Variants in CAPZB observed in about 807,000 individuals in gnomAD.
CAPZB encodes the protein capping actin protein of muscle Z-line subunit beta.
CAPZB carries 2 observed loss-of-function variants against 38.1 expected under a neutral mutation model. The observed-to-expected ratio is 0.05, with a 90% CI of 0.02 to 0.17. The LOEUF is 0.17. Ranked by LOEUF, CAPZB falls within the 10% of genes least tolerant of loss-of-function variation. CAPZB has a pLI of 1.00. For synonymous variants in CAPZB, 107 were observed against 127.4 expected, an observed-to-expected ratio of 0.84 and a Z score of 1.08; for missense variants, 161 against 334.2, an observed-to-expected ratio of 0.48 and a Z score of 4.04.
intron 4 of CAPZB, among the ~76,000 whole-genome samples, chr1:19,367,116 G>T (rs115866612): frequency 2.0e-5 from 3 of 152,258 alleles, no homozygotes; most frequent in African/African-American, 7.2e-5. Flanking sequence ...ATGGATGGGC[G>T]TGGGTGCTGC....
intron 3 of CAPZB, 69 bp downstream of exon 3, chr1:19,385,436 T>C: frequency 6.3e-7 from 1 of 1,598,840 alleles, no homozygotes; most frequent in Non-Finnish European, 8.6e-7. Context: ...CCCCGTGCTC[T>C]GCAGCAGGTA....
intron 1 of CAPZB, among the ~76,000 whole-genome samples, chr1:19,432,782 A>T (rs573106424): frequency 1.2e-4 from 18 of 152,358 alleles, no homozygotes; most frequent in African/African-American, 4.3e-4. Flanking sequence ...ATGCCCAAAC[A>T]TTCTCCAAAG....
intron 1 of CAPZB, among the ~76,000 whole-genome samples, chr1:19,480,870 C>T (rs750272500): frequency 2.0e-5 from 3 of 152,308 alleles, no homozygotes; most frequent in Middle Eastern, 3.4e-3. Context: ...TGGAGAAAAA[C>T]GGTTTGCTCT....
intron 6 of CAPZB, among the ~76,000 whole-genome samples, chr1:19,353,860 G>A (rs1428925523): frequency 2.6e-5 from 4 of 152,362 alleles, no homozygotes; most frequent in Middle Eastern, 3.4e-3. Context: ...GAGCCTTGAC[G>A]CCGTGTGCGG....
At chr1:19,452,522 T>C (rs1326910590) in intron 1 of CAPZB, among the ~76,000 whole-genome samples, 3 of 152,206 alleles carry the variant, frequency 2.0e-5, no homozygotes, top group African/African-American at 4.8e-5. Flanking sequence ...TGAGCTATCC[T>C]GGTGCCAAGG....
chr1:19,385,573 A>G lies in CAPZB; in HGVS notation c.147T>C (p.Ile49=). ...LLSSVDQPLK[I]ARDKVVGKDY... is the part of the protein sequence containing the mutation. ...CCTTTCCCACCACCTTGTCTCTGGC[A>G]ATTTTCAGTGGCTGGTCAACAGAAG... The change falls in exon 3 of 9, where the codon ATT becomes ATC. Residue 49 remains isoleucine (I), a synonymous_variant. Coordinates refer to ENST00000264202, the MANE Select transcript of CAPZB (RefSeq NM_004930.5). The G allele has an allele frequency of 6.2e-7, 1 of 1,614,138 alleles. No homozygotes were observed. Among genetic ancestry groups the G allele is most frequent in the Non-Finnish European group, 8.5e-7 (1 of 1,180,006 alleles).
chr1:19,466,101 T>C (rs945449004), intron 1 of CAPZB, among the ~76,000 whole-genome samples: 2 of 152,160 alleles, frequency 1.3e-5, no homozygotes, highest in African/African-American at 4.8e-5. Context: ...AACCCTTTTA[T>C]TGGGACAGAG....
At chr1:19,442,008 C>CCAAAA (rs1558265180) in intron 1 of CAPZB, among the ~76,000 whole-genome samples, 2 of 28,854 alleles carry the variant, frequency 6.9e-5, no homozygotes, top group South Asian at 7.2e-4. Flanking sequence ...GACTCTGTCT[C>CCAAAA]CAAAAAAAAA....
At position 19,386,859 on chromosome 1, in the gene CAPZB, T is replaced by C. The variant is rs115947458; in HGVS notation, c.94-1233A>G. ...ATACAGGGGACAGTACCCAAAGAGA[T>C]AGACATACACCACCAACCCCTGTGT... On this transcript the variant is annotated intron_variant, in intron 2 of 8. Transcript: ENST00000264202. Among the ~76,000 whole-genome samples the C allele has an allele frequency of 5.6e-3, 846 of 152,320 alleles. 8 individuals are homozygous for C. The highest frequency in any genetic ancestry group is 0.019 in the African/African-American group (792 of 41,564).
chr1:19,442,647 CA>C (rs2094481701), intron 1 of CAPZB, among the ~76,000 whole-genome samples: 4 of 152,166 alleles, frequency 2.6e-5, no homozygotes, highest in Admixed American at 1.3e-4. Context: ...CCTCCCGGGG[CA>C]GGGGGCCAAA....
chr1:19,438,903 T>C (rs1388552347), intron 1 of CAPZB, among the ~76,000 whole-genome samples: 3 of 152,224 alleles, frequency 2.0e-5, no homozygotes, highest in Admixed American at 6.5e-5. Flanking sequence ...TTCTGTCCTC[T>C]GATAGAGGAA....
chr1:19,410,710 C>A (rs1328246904), intron 2 of CAPZB, among the ~76,000 whole-genome samples: 1 of 152,174 alleles, frequency 6.6e-6, no homozygotes, highest in Non-Finnish European at 1.5e-5. Flanking sequence ...TCTTCCCAGG[C>A]CCTCATTATA....
chr1:19,467,854 G>A (rs542585681), intron 1 of CAPZB, among the ~76,000 whole-genome samples: 2 of 152,184 alleles, frequency 1.3e-5, no homozygotes, highest in Non-Finnish European at 2.9e-5. Context: ...TTCCACACCA[G>A]CATCAGATGC....
At chr1:19,368,720 TGTG>T (rs1016281906) in intron 4 of CAPZB, among the ~76,000 whole-genome samples, 13 of 149,452 alleles carry the variant, frequency 8.7e-5, no homozygotes, top group Non-Finnish European at 1.3e-4. Flanking sequence ...CAGGCAGAAG[TGTG>T]GTGGTGGGAC....
chr1:19,416,860 C>CAAAAA (rs59789230), intron 2 of CAPZB, among the ~76,000 whole-genome samples: 2,577 of 69,252 alleles, frequency 0.037, 426 homozygotes, highest in Non-Finnish European at 0.052. Flanking sequence ...GACCCTGTCT[C>CAAAAA]AAAAAAAAAA....
chr1:19,355,717 C>T (rs943724951), intron 6 of CAPZB, among the ~76,000 whole-genome samples: 19 of 152,302 alleles, frequency 1.2e-4, no homozygotes, highest in Admixed American at 5.9e-4. Flanking sequence ...CTGCCAATAC[C>T]GACTTCTCCG....
chr1:19,359,788 A>G lies in CAPZB; in HGVS notation c.330-2225T>C, dbSNP rs563541459. On this transcript the variant is annotated intron_variant, in intron 4 of 8. Transcript: ENST00000264202. ...AGAGGAAAAGGACCACTGGATGAAC[A>G]GACACACCTGTGAGGCCCAGAGCTC... 6.6e-5 allele frequency among the ~76,000 whole-genome samples: 10 copies of G among 152,354 alleles called. 1 individual carries two copies. Among genetic ancestry groups the G allele is most frequent in the African/African-American group, 2.4e-4 (10 of 41,590 alleles).
intron 4 of CAPZB, chr1:19,374,189 T>C (rs78936753): frequency 0.024 from 3,733 of 152,396 alleles, 169 homozygotes; most frequent in African/African-American, 0.084. Context: ...ATCCAAGGCC[T>C]CTTTATTCCT....
chr1:19,478,661 A>G (rs2094615867), intron 1 of CAPZB, among the ~76,000 whole-genome samples: 1 of 150,910 alleles, frequency 6.6e-6, no homozygotes, highest in Non-Finnish European at 1.5e-5. Flanking sequence ...TGAGTCTTTC[A>G]GAACTTTGGA....
Sources: allele counts gnomAD v4.1 joint callset (sites outside exome capture counted in the v4.1 genomes callset), GRCh38; gene constraint gnomAD v4.1.1; transcripts MANE v1.5; gene names NCBI Gene and HGNC (gene_info 2026-07-23, HGNC 2026-07-21).